The following GRM1 variants were observed in gnomAD, a reference collection of about 807,000 sequenced individuals.
GRM1 encodes glutamate metabotropic receptor 1.
In GRM1, 33 loss-of-function variants were observed where a neutral mutation model predicts 90.9. That is an observed-to-expected ratio of 0.36 (90% CI 0.28 to 0.49). The LOEUF (loss-of-function observed/expected upper bound fraction) is 0.49. Among genes scored for constraint, GRM1 ranks in the 20% least tolerant of loss-of-function variants. The probability of loss-of-function intolerance (pLI) is 0.99; values close to 1 mark genes in which losing one functional copy is unlikely to be tolerated. For missense variants in GRM1, 1,190 were observed against 1,534.3 expected, an observed-to-expected ratio of 0.78 and a Z score of 3.75; for synonymous variants, 700 against 613.2, an observed-to-expected ratio of 1.14 and a Z score of -2.09.
At chr6:146,165,208 A>C (rs918704905) in intron 2 of GRM1, among the ~76,000 whole-genome samples, 1 of 152,150 alleles carries the variant, frequency 6.6e-6, no homozygotes, top group Non-Finnish European at 1.5e-5. Context: ...AAAGAAGACT[A>C]CAGTTTCATT....
chr6:146,035,313 A>C (rs1023831062), intron 1 of GRM1, among the ~76,000 whole-genome samples: 2 of 152,002 alleles, frequency 1.3e-5, no homozygotes, highest in African/African-American at 4.8e-5. Flanking sequence ...TTCAAGAAAG[A>C]TACATCCAAG....
intron 2 of GRM1, among the ~76,000 whole-genome samples, chr6:146,215,508 G>A (rs922314704): frequency 2.0e-5 from 3 of 151,966 alleles, no homozygotes; most frequent in South Asian, 4.1e-4. Context: ...TGTGAATAAC[G>A]TTCTAGAGAC....
At chr6:146,251,214 C>G (rs1781259124) in intron 2 of GRM1, among the ~76,000 whole-genome samples, 2 of 152,162 alleles carry the variant, frequency 1.3e-5, no homozygotes, top group African/African-American at 4.8e-5. Flanking sequence ...AAACTCCCTT[C>G]TTTGGTCCTC....
rs201252147 is a variant in GRM1 at position 146,436,147 on chromosome 6, T to TA, written c.*1352dup. 2,777 of 152,766 alleles carry TA rather than the reference T, an allele frequency of 0.018. 38 individuals carry two copies. The highest frequency in any genetic ancestry group is 0.031 in the South Asian group (148 of 4,824). 9.5% of individuals were successfully genotyped at this position (152,766 alleles called of 1,614,324 possible). A position where few individuals can be genotyped will look rare whatever the true frequency, so the allele number is the denominator to read the frequency against. On this transcript the variant is annotated 3_prime_UTR_variant, in exon 8 of 8. Transcript: ENST00000282753. The stretch of plus-strand genomic sequence containing the variant: ...TTTTGAATATACTATATATATTTTT[T>TA]ATGTTCCAATAATGTTTTGTACATC...
At chr6:146,247,806 A>G (rs11155458) in intron 2 of GRM1, among the ~76,000 whole-genome samples, 16,610 of 118,982 alleles carry the variant, frequency 0.14, 1,152 homozygotes, top group Non-Finnish European at 0.19. Flanking sequence ...GTGTGTGTGT[A>G]TATATATATA....
chr6:146,078,882 C>G (rs1410213092), intron 1 of GRM1, among the ~76,000 whole-genome samples: 1 of 152,144 alleles, frequency 6.6e-6, no homozygotes, highest in Admixed American at 6.5e-5. Context: ...TAGGAAAAAC[C>G]AGGTTCTTGT....
At position 146,203,192 on chromosome 6, in the gene GRM1, AAAATAAATAAAT is replaced by A. The variant is rs60263974; in HGVS notation, c.950+43636_950+43647del. Among the ~76,000 whole-genome samples the A allele has an allele frequency of 7.7e-3, 1,085 of 141,768 alleles. 12 individuals are homozygous for A. The highest frequency in any genetic ancestry group is 0.021 in the African/African-American group (768 of 37,304). The allele number at this position is 141,768 out of a possible 152,430, so 93.0% of individuals were successfully genotyped here. A position where few individuals can be genotyped will look rare whatever the true frequency, so the allele number is the denominator to read the frequency against. On this transcript the variant is annotated intron_variant, in intron 2 of 7. Coordinates refer to ENST00000282753, the MANE Select transcript of GRM1 (RefSeq NM_001278064.2). ...CTGGGGGACAGAGAGACTCCGTCTC[AAAATAAATAAAT>A]AAATAAATAAATAAATAAATAAATA...
intron 3 of GRM1, among the ~76,000 whole-genome samples, chr6:146,342,494 A>G (rs905110043): frequency 6.6e-6 from 1 of 152,228 alleles, no homozygotes; most frequent in African/African-American, 2.4e-5. Context: ...CTTGTACTTA[A>G]GAGTAAGAGT....
At position 146,435,354 on chromosome 6, in the gene GRM1, TTC is replaced by T. The variant is rs377040646; in HGVS notation, c.*561_*562del. On this transcript the variant is annotated 3_prime_UTR_variant, in exon 8 of 8. Transcript: ENST00000282753. ...ACAGCAGCTCCTTGCTCAGAAGCCC[TTC>T]TCCCCGCTGGGCTGACAGACTCCTC... 460 of 189,678 alleles carry T rather than the reference TTC, an allele frequency of 2.4e-3. 2 individuals carry two copies. Among genetic ancestry groups the T allele is most frequent in the African/African-American group, 9.9e-3 (418 of 42,350 alleles). 11.7% of individuals were successfully genotyped at this position (189,678 alleles called of 1,614,324 possible). A position where few individuals can be genotyped will look rare whatever the true frequency, so the allele number is the denominator to read the frequency against.
At chr6:146,433,525 A>AGTGTGT (rs72224796) in intron 7 of GRM1, among the ~76,000 whole-genome samples, 242 of 148,194 alleles carry the variant, frequency 1.6e-3, no homozygotes, top group African/African-American at 5.2e-3. Context: ...GTTTTTCAAA[A>AGTGTGT]GTGTGTGTGT....
chr6:146,053,481 G>C (rs984676171), intron 1 of GRM1, among the ~76,000 whole-genome samples: 3 of 152,064 alleles, frequency 2.0e-5, no homozygotes, highest in South Asian at 4.1e-4. Context: ...AGGCTGAAGG[G>C]ATTTCAGATT....
At chr6:146,064,669 T>C (rs1053487936) in intron 1 of GRM1, among the ~76,000 whole-genome samples, 9 of 151,822 alleles carry the variant, frequency 5.9e-5, no homozygotes, top group East Asian at 5.8e-4. Context: ...CTTTTTTTTT[T>C]TCCCCCAGCT....
At chr6:146,183,808 G>C (rs540073779) in intron 2 of GRM1, among the ~76,000 whole-genome samples, 1 of 152,190 alleles carries the variant, frequency 6.6e-6, no homozygotes, top group Non-Finnish European at 1.5e-5. Flanking sequence ...AATGTTGGTG[G>C]TTCCAATATC....
chr6:146,359,382 C>T (rs1395497323), intron 5 of GRM1, among the ~76,000 whole-genome samples: 2 of 152,156 alleles, frequency 1.3e-5, no homozygotes, highest in Non-Finnish European at 1.5e-5. Context: ...AAGCCCTGAG[C>T]ACATGCACTT....
At chr6:146,206,926 A>C (rs919563328) in intron 2 of GRM1, among the ~76,000 whole-genome samples, 2 of 152,152 alleles carry the variant, frequency 1.3e-5, no homozygotes, top group Non-Finnish European at 1.5e-5. Context: ...TTCCTGCATT[A>C]ATTTGCTAAG....
At chr6:146,226,144 C>A (rs1197822940) in intron 2 of GRM1, among the ~76,000 whole-genome samples, 1 of 152,064 alleles carries the variant, frequency 6.6e-6, no homozygotes, top group Non-Finnish European at 1.5e-5. Flanking sequence ...GGATAGGAGA[C>A]AAAATTTGGA....
chr6:146,047,972 C>T (rs1187656296), intron 1 of GRM1, among the ~76,000 whole-genome samples: 1 of 152,020 alleles, frequency 6.6e-6, no homozygotes, highest in Non-Finnish European at 1.5e-5. Context: ...CCTTATGTCA[C>T]TCCTTAATAG....
chr6:146,092,397 A>G (rs922933848), intron 1 of GRM1, among the ~76,000 whole-genome samples: 1 of 152,104 alleles, frequency 6.6e-6, no homozygotes, highest in East Asian at 1.9e-4. Flanking sequence ...CACCTTTTGC[A>G]GGTATCTATT....
intron 5 of GRM1, among the ~76,000 whole-genome samples, chr6:146,378,046 G>A (rs2115114085): frequency 6.6e-6 from 1 of 152,334 alleles, no homozygotes; most frequent in East Asian, 1.9e-4. Flanking sequence ...CTTACACATG[G>A]TATTGGGCTT....
Sources: allele counts gnomAD v4.1 joint callset (sites outside exome capture counted in the v4.1 genomes callset), GRCh38; gene constraint gnomAD v4.1.1; transcripts MANE v1.5; gene names NCBI Gene and HGNC (gene_info 2026-07-23, HGNC 2026-07-21).